Variants in CCAR1 observed in about 807,000 individuals in gnomAD.
CCAR1 encodes the protein cell division cycle and apoptosis regulator 1, also known as cell division cycle and apoptosis regulator protein 1.
Under a neutral mutation model 163.8 loss-of-function variants are expected in CCAR1, and 78 were observed. That is an observed-to-expected ratio of 0.48 (90% CI 0.40 to 0.57). The LOEUF is 0.57. Among genes scored for constraint, CCAR1 ranks in the 20% least tolerant of loss-of-function variants. The pLI is 0.00. For missense variants in CCAR1, 1,019 were observed against 1,365.2 expected (o/e 0.75, Z 4.00); for synonymous variants, 443 against 460.7 (o/e 0.96, Z 0.49).
chr10:68,738,596 A>AT (rs141056733), intron 4 of CCAR1, among the ~76,000 whole-genome samples: 92 of 150,922 alleles, frequency 6.1e-4, no homozygotes, highest in Non-Finnish European at 1.1e-3. Flanking sequence ...TTCAGCTTTT[A>AT]TTTTTTTTTC....
At chr10:68,742,126 G>C (rs2056191532) in intron 5 of CCAR1, among the ~76,000 whole-genome samples, 1 of 152,074 alleles carries the variant, frequency 6.6e-6, no homozygotes, top group South Asian at 2.1e-4. Context: ...ACTATACTTA[G>C]GACTTTCCTA....
At chr10:68,785,978 T>G (rs957710976) in intron 19 of CCAR1, among the ~76,000 whole-genome samples, 158 bp from the exon 20 acceptor site, 6 of 152,178 alleles carry the variant, frequency 3.9e-5, no homozygotes, top group Non-Finnish European at 8.8e-5. Flanking sequence ...GGTCTTGATC[T>G]GTCACCCAGA....
intron 19 of CCAR1, among the ~76,000 whole-genome samples, chr10:68,783,868 C>T (rs756278359): frequency 1.3e-4 from 19 of 151,822 alleles, no homozygotes; most frequent in South Asian, 4.2e-4. Context: ...CGCCATTCTG[C>T]CTCAGCCTCC....
At chr10:68,739,537 C>T (rs1436291317) in intron 4 of CCAR1, among the ~76,000 whole-genome samples, 2 of 152,102 alleles carry the variant, frequency 1.3e-5, no homozygotes, top group African/African-American at 4.8e-5. Flanking sequence ...TCGACTTAAG[C>T]CCCTTGAGGC....
At chr10:68,775,398 C>G (rs1273764522) in intron 19 of CCAR1, among the ~76,000 whole-genome samples, 1 of 152,034 alleles carries the variant, frequency 6.6e-6, no homozygotes, top group Non-Finnish European at 1.5e-5. Context: ...CCCATTTTCT[C>G]TCCCCTGTAC....
intron 2 of CCAR1, among the ~76,000 whole-genome samples, chr10:68,723,859 A>G (rs1361457842): frequency 6.8e-6 from 1 of 147,652 alleles, no homozygotes; most frequent in Non-Finnish European, 1.5e-5. Flanking sequence ...AAAAGAAAAA[A>G]AAAAAAAGGT....
At chr10:68,733,591 C>T (rs1277747900) in intron 2 of CCAR1, among the ~76,000 whole-genome samples, 1 of 152,060 alleles carries the variant, frequency 6.6e-6, no homozygotes, top group Admixed American at 6.6e-5. Context: ...TCACTTGAGT[C>T]CAGGACACTT....
chr10:68,769,555 G>A (rs771849748), intron 17 of CCAR1, among the ~76,000 whole-genome samples: 3 of 152,034 alleles, frequency 2.0e-5, no homozygotes, highest in Non-Finnish European at 2.9e-5. Context: ...GGGAGGCGGA[G>A]GTTGCGGTGA....
At position 68,725,140 on chromosome 10, in the gene CCAR1, CA is replaced by C. The variant is rs879289061; in HGVS notation, c.73+2575del. ...CTGGGCAACGAGAGAAACTCCGTCT[CA>C]AAAAAAAAAAATAGTTGTAAAAGCA... is the stretch of plus-strand genomic sequence containing the variant. On this transcript the variant is annotated intron_variant, in intron 2 of 24. Coordinates refer to ENST00000265872, the MANE Select transcript of CCAR1 (RefSeq NM_018237.4). Among the ~76,000 whole-genome samples the C allele has an allele frequency of 7.3e-3, 975 of 134,390 alleles. 11 individuals are homozygous for C. Among genetic ancestry groups the C allele is most frequent in the African/African-American group, 0.023 (840 of 36,736 alleles). The allele number at this position is 134,390 out of a possible 152,430, so 88.2% of individuals were successfully genotyped here. A position where few individuals can be genotyped will look rare whatever the true frequency, so the allele number is the denominator to read the frequency against.
chr10:68,787,711 T>A, intron 21 of CCAR1: 1 of 388,624 alleles, frequency 2.6e-6, no homozygotes, highest in Non-Finnish European at 4.6e-6. Context: ...GGCGGGTGCC[T>A]GTAATACCAG....
At chr10:68,778,883 G>A (rs1396132524) in intron 19 of CCAR1, among the ~76,000 whole-genome samples, 2 of 152,002 alleles carry the variant, frequency 1.3e-5, no homozygotes, top group Admixed American at 6.6e-5. Flanking sequence ...ACGGAGTCTC[G>A]CTCTGTCACC....
chr10:68,780,149 T>A (rs780247045), intron 19 of CCAR1, among the ~76,000 whole-genome samples: 1 of 152,234 alleles, frequency 6.6e-6, no homozygotes, highest in Non-Finnish European at 1.5e-5. Context: ...ATTGTGAGTA[T>A]TTTTCAATCA....
intron 2 of CCAR1, among the ~76,000 whole-genome samples, chr10:68,725,680 A>G (rs931945395): frequency 2.0e-5 from 3 of 152,170 alleles, no homozygotes; most frequent in Non-Finnish European, 2.9e-5. Flanking sequence ...TATTTATTTT[A>G]TATCTCTTAC....
intron 19 of CCAR1, among the ~76,000 whole-genome samples, chr10:68,783,160 G>A (rs1038711342): frequency 6.6e-6 from 1 of 151,054 alleles, no homozygotes; most frequent in Non-Finnish European, 1.5e-5. Flanking sequence ...GAGCCACCAT[G>A]CCCAGCTAAA....
At chr10:68,772,956 T>A (rs2056621466) in intron 18 of CCAR1, 32 bp from the exon 19 acceptor site, 2 of 1,150,490 alleles carry the variant, frequency 1.7e-6, no homozygotes, top group East Asian at 5.4e-5. Context: ...TAAAAATAAG[T>A]AAATAAATAA....
chr10:68,739,310 C>T (rs938127599), intron 4 of CCAR1, among the ~76,000 whole-genome samples: 5 of 152,054 alleles, frequency 3.3e-5, no homozygotes, highest in Admixed American at 6.6e-5. Flanking sequence ...CCACTAGGCC[C>T]GCCTAATTTT....
intron 19 of CCAR1, among the ~76,000 whole-genome samples, chr10:68,778,893 C>G (rs927654942): frequency 3.3e-5 from 5 of 152,206 alleles, no homozygotes; most frequent in African/African-American, 1.2e-4. Flanking sequence ...GCTCTGTCAC[C>G]AGGCTGGAGT....
chr10:68,760,270 C>A (rs769569867), intron 15 of CCAR1, among the ~76,000 whole-genome samples: 1 of 152,122 alleles, frequency 6.6e-6, no homozygotes, highest in Non-Finnish European at 1.5e-5. Flanking sequence ...ATCTCAGCCT[C>A]CCAAGTGGTT....
At chr10:68,747,871 A>G (rs574540187) in intron 8 of CCAR1, among the ~76,000 whole-genome samples, 1 of 152,126 alleles carries the variant, frequency 6.6e-6, no homozygotes, top group East Asian at 1.9e-4. Flanking sequence ...GAAACTCCAG[A>G]TGTGTTCTTT....
Sources: allele counts gnomAD v4.1 joint callset (sites outside exome capture counted in the v4.1 genomes callset), GRCh38; gene constraint gnomAD v4.1.1; transcripts MANE v1.5; gene names NCBI Gene and HGNC (gene_info 2026-07-23, HGNC 2026-07-21).